The following TMTC2 variants were observed in gnomAD, a reference collection of about 807,000 sequenced individuals.
TMTC2 encodes the protein protein O-mannosyl-transferase TMTC2.
A neutral mutation model predicts 82.4 loss-of-function variants in TMTC2; 43 were observed. That is an observed-to-expected ratio of 0.52 (90% CI 0.41 to 0.67). The LOEUF (loss-of-function observed/expected upper bound fraction) is 0.67. Ranked by LOEUF, TMTC2 falls within the 30% of genes least tolerant of loss-of-function variation. The pLI, the probability that TMTC2 is intolerant of heterozygous loss-of-function variation, is 0.00. For missense variants in TMTC2, 919 were observed against 1,012.4 expected (o/e 0.91, Z 1.25); for synonymous variants, 408 against 381.9 (o/e 1.07, Z -0.80).
chr12:83,088,350 C>A lies in TMTC2; in HGVS notation c.2331+26519C>A, dbSNP rs3958103. On this transcript the variant is annotated intron_variant, in intron 11 of 11. Coordinates refer to ENST00000321196, the MANE Select transcript of TMTC2 (RefSeq NM_152588.3). ...CAATAAGGCTGTTTCACTTCCTTATCATTTGTGTGTTCACTGGAGTTTCCT... is the reference window on the plus strand; with the variant it reads ...CAATAAGGCTGTTTCACTTCCTTATAATTTGTGTGTTCACTGGAGTTTCCT... Among the ~76,000 whole-genome samples, 463 of 152,254 alleles carry A rather than the reference C, an allele frequency of 3.0e-3. 6 individuals carry two copies. The highest frequency in any genetic ancestry group is 9.7e-3 in the African/African-American group (403 of 41,556).
At chr12:82,708,521 G>GT (rs1310951462) in intron 1 of TMTC2, among the ~76,000 whole-genome samples, 1 of 152,182 alleles carries the variant, frequency 6.6e-6, no homozygotes, top group African/African-American at 2.4e-5. Flanking sequence ...ATCGTTACAG[G>GT]TTTTGTCCCA....
intron 1 of TMTC2, among the ~76,000 whole-genome samples, chr12:82,744,581 T>TTAAAAAAAA (rs573645480): frequency 5.2e-5 from 6 of 115,520 alleles, no homozygotes; most frequent in South Asian, 6.4e-4. Flanking sequence ...ACTCTGACTC[T>TTAAAAAAAA]AAAAAAAAAA....
At chr12:82,887,178 T>G (rs1017597438) in intron 2 of TMTC2, among the ~76,000 whole-genome samples, 1 of 152,226 alleles carries the variant, frequency 6.6e-6, no homozygotes, top group Non-Finnish European at 1.5e-5. Flanking sequence ...GGTCTCATGA[T>G]GGTTTTAATA....
chr12:82,711,931 G>A (rs930866822), intron 1 of TMTC2, among the ~76,000 whole-genome samples: 1 of 152,170 alleles, frequency 6.6e-6, no homozygotes, highest in African/African-American at 2.4e-5. Context: ...AGAGAGAAGT[G>A]AATTCTCCTC....
At chr12:82,889,385 AGG>A (rs1873278331) in intron 2 of TMTC2, among the ~76,000 whole-genome samples, 3 of 152,036 alleles carry the variant, frequency 2.0e-5, no homozygotes, top group Admixed American at 2.0e-4. Flanking sequence ...GTGTAAGTCT[AGG>A]TATGTCAAGT....
At position 82,858,621 on chromosome 12, in the gene TMTC2, C is replaced by G. The variant is rs564770887; in HGVS notation, c.654+1041C>G. ...AAAACAAATTGAGGCAAATGCTGTT[C>G]GAAACATCAATTTTTTTAAATGCCC... On this transcript the variant is annotated intron_variant, in intron 2 of 11. Transcript: ENST00000321196. Among the ~76,000 whole-genome samples, 6 of 150,484 alleles carry G rather than the reference C, an allele frequency of 4.0e-5. No homozygotes were observed. In the South Asian group the frequency reaches 1.3e-3, roughly 32 times the overall value.
In TMTC2 at chr12:83,134,107, G is replaced by A. The variant is rs944573542; in HGVS notation, c.*1718G>A. On this transcript the variant is annotated 3_prime_UTR_variant, in exon 12 of 12. Coordinates refer to ENST00000321196, the MANE Select transcript of TMTC2 (RefSeq NM_152588.3). ...AATGTAGTGAGAAAGGTTTTTTCAT[G>A]GCATTAATAAGAAAGCCCTTCTGTA... is the stretch of plus-strand genomic sequence containing the variant. 2.0e-5 allele frequency: 3 copies of A among 152,412 alleles called. No homozygotes were observed. The highest frequency in any genetic ancestry group is 7.2e-5 in the African/African-American group (3 of 41,380). 9.4% of individuals were successfully genotyped at this position (152,412 alleles called of 1,614,324 possible).
chr12:82,712,903 C>T (rs1873699571), intron 1 of TMTC2, among the ~76,000 whole-genome samples: 1 of 151,804 alleles, frequency 6.6e-6, no homozygotes, highest in Non-Finnish European at 1.5e-5. Flanking sequence ...ATCTTTCGCA[C>T]CAAGTCAGGA....
intron 1 of TMTC2, among the ~76,000 whole-genome samples, chr12:82,844,674 C>T (rs770384367): frequency 4.0e-5 from 6 of 151,816 alleles, no homozygotes; most frequent in Non-Finnish European, 8.8e-5. Flanking sequence ...TGGTGGCGGG[C>T]GCCTGTAGTC....
intron 4 of TMTC2, among the ~76,000 whole-genome samples, chr12:82,957,193 C>G (rs1467207964): frequency 1.3e-5 from 2 of 152,116 alleles, no homozygotes; most frequent in African/African-American, 4.8e-5. Flanking sequence ...ACTCTTGGAC[C>G]ACTCTTGGAA....
chr12:83,128,229 C>T (rs544419760), intron 11 of TMTC2, among the ~76,000 whole-genome samples: 5 of 152,260 alleles, frequency 3.3e-5, no homozygotes, highest in Middle Eastern at 6.8e-3. Flanking sequence ...TGGCAGAGAG[C>T]AAGGACACCA....
intron 1 of TMTC2, among the ~76,000 whole-genome samples, chr12:82,813,625 A>G (rs748526486): frequency 7.9e-5 from 12 of 152,078 alleles, no homozygotes; most frequent in Non-Finnish European, 1.8e-4. Flanking sequence ...TTACAGTTTT[A>G]TAAGATTTTT....
At chr12:82,885,283 G>T (rs192545948) in intron 2 of TMTC2, among the ~76,000 whole-genome samples, 4 of 151,294 alleles carry the variant, frequency 2.6e-5, no homozygotes, top group African/African-American at 9.7e-5. Context: ...GGAATTTGTC[G>T]GATTTTTGTT....
At chr12:82,896,709 C>A in intron 3 of TMTC2, 63 bp downstream of exon 3, 1 of 1,329,032 alleles carries the variant, frequency 7.5e-7, no homozygotes, top group Non-Finnish European at 1.0e-6. Context: ...TATATCTTTG[C>A]TTCTTGTCTT....
chr12:82,871,026 A>G (rs1164694799), intron 2 of TMTC2, among the ~76,000 whole-genome samples: 1 of 152,216 alleles, frequency 6.6e-6, no homozygotes, highest in South Asian at 2.1e-4. Flanking sequence ...GAAATAACCC[A>G]TCTGAATTCA....
chr12:82,981,189 G>A (rs1222377276), intron 7 of TMTC2, among the ~76,000 whole-genome samples: 1 of 151,768 alleles, frequency 6.6e-6, no homozygotes. Context: ...TCTTAACAGT[G>A]GTCACATAGG....
intron 1 of TMTC2, among the ~76,000 whole-genome samples, chr12:82,776,654 A>G (rs1877619877): frequency 6.6e-6 from 1 of 150,704 alleles, no homozygotes; most frequent in African/African-American, 2.4e-5. Flanking sequence ...GTGTGATGGC[A>G]CATGCCTCTA....
chr12:82,789,076 G>A (rs913302602), intron 1 of TMTC2, among the ~76,000 whole-genome samples: 5 of 152,162 alleles, frequency 3.3e-5, no homozygotes. Flanking sequence ...CCCATTTAGG[G>A]ATGCTTCTTT....
chr12:82,817,452 T>C (rs1453503445), intron 1 of TMTC2, among the ~76,000 whole-genome samples: 1 of 152,186 alleles, frequency 6.6e-6, no homozygotes, highest in African/African-American at 2.4e-5. Context: ...CAGTTTGACC[T>C]ATATCCTGTA....
Sources: allele counts gnomAD v4.1 joint callset (sites outside exome capture counted in the v4.1 genomes callset), GRCh38; gene constraint gnomAD v4.1.1; transcripts MANE v1.5; gene names NCBI Gene and HGNC (gene_info 2026-07-23, HGNC 2026-07-21).